CUL4A: variants seen among roughly 807,000 people sequenced by gnomAD.
The protein encoded by CUL4A is cullin 4A.
Under a neutral mutation model 95.5 loss-of-function variants are expected in CUL4A, and 16 were observed. The observed-to-expected ratio is 0.17, with a 90% confidence interval of 0.11 to 0.25. The LOEUF is 0.25. CUL4A is among the 10% of genes least tolerant of loss of function. CUL4A has a pLI of 1.00. For missense variants in CUL4A, 610 were observed against 937.0 expected (o/e 0.65, Z 4.56); for synonymous variants, 380 against 353.1 (o/e 1.08, Z -0.85).
At position 113,224,311 on chromosome 13, in the gene CUL4A, C is replaced by T. The variant is rs76471645; in HGVS notation, c.369-3665C>T. ...GATCTTGCAGTGAGCCGAGATCGCA[C>T]CACTGCACTCCAGCCTGGGTGACAG... On this transcript the variant is annotated intron_variant, in intron 3 of 19. Coordinates refer to ENST00000375440, the MANE Select transcript of CUL4A (RefSeq NM_001008895.4). Among the ~76,000 whole-genome samples the T allele has an allele frequency of 0.016, 2,365 of 152,120 alleles. 161 individuals carry two copies. In the East Asian group the frequency reaches 0.2, roughly 13 times the overall value.
At chr13:113,247,873 C>T (rs753353090) in intron 15 of CUL4A, among the ~76,000 whole-genome samples, 1 of 152,188 alleles carries the variant, frequency 6.6e-6, no homozygotes, top group Non-Finnish European at 1.5e-5. Flanking sequence ...CACCCCATTT[C>T]TGTTGGTTGT....
intron 5 of CUL4A, among the ~76,000 whole-genome samples, chr13:113,231,596 G>GC (rs1314606984): frequency 6.6e-6 from 1 of 152,164 alleles, no homozygotes; most frequent in African/African-American, 2.4e-5. Context: ...GCCTGGCACT[G>GC]CCCCAAGGGC....
At chr13:113,252,199 G>T (rs1291229014) in intron 15 of CUL4A, among the ~76,000 whole-genome samples, 1 of 152,208 alleles carries the variant, frequency 6.6e-6, no homozygotes, top group Non-Finnish European at 1.5e-5. Context: ...CTGGGAACTT[G>T]AAAATGCAGC....
intron 4 of CUL4A, among the ~76,000 whole-genome samples, chr13:113,228,737 C>G (rs2041198823): frequency 6.6e-6 from 1 of 151,972 alleles, no homozygotes; most frequent in Non-Finnish European, 1.5e-5. Flanking sequence ...GACACACGTC[C>G]AAGAGCCTCA....
At chr13:113,235,957 C>T (rs2041528530) in intron 8 of CUL4A, among the ~76,000 whole-genome samples, 1 of 141,580 alleles carries the variant, frequency 7.1e-6, no homozygotes, top group African/African-American at 2.6e-5. Context: ...GGCGACAGAG[C>T]GAGACTCCGT....
chr13:113,213,878 G>A (rs79702464), intron 2 of CUL4A, among the ~76,000 whole-genome samples: 1,939 of 152,318 alleles, frequency 0.013, 42 homozygotes, highest in African/African-American at 0.044. Context: ...ATCTCTCCAC[G>A]CACAGGTGGG....
intron 3 of CUL4A, among the ~76,000 whole-genome samples, chr13:113,222,162 A>T (rs532715478): frequency 6.6e-6 from 1 of 152,292 alleles, no homozygotes; most frequent in South Asian, 2.1e-4. Flanking sequence ...AAATGAGAGG[A>T]AGGTGGATGC....
chr13:113,245,219 C>T lies in CUL4A; in HGVS notation c.1512C>T (p.Ile504=), dbSNP rs141571594. Residue 504 remains isoleucine (I), a synonymous_variant, in exon 14 of 20, where the codon ATC becomes ATT. Transcript: ENST00000375440. ...MFKDMELSKD[I]MVHFKQHMQN... is the part of the protein sequence containing the mutation. ...AGGACATGGAGCTTTCGAAGGACAT[C>T]ATGGTTCATTTCAAGCAGGTGAGTT... 5 of 1,614,050 alleles carry T rather than the reference C, an allele frequency of 3.1e-6. No homozygotes were observed. Among genetic ancestry groups the T allele is most frequent in the Non-Finnish European group, 4.2e-6 (5 of 1,180,022 alleles).
At chr13:113,253,299 A>T (rs925429890) in intron 16 of CUL4A, 104 bp downstream of exon 16, 30 of 484,716 alleles carry the variant, frequency 6.2e-5, no homozygotes, top group Middle Eastern at 1.1e-3. Flanking sequence ...TTTCACTTTA[A>T]TTCACTAGCT....
chr13:113,224,753 G>T (rs1178506613), intron 3 of CUL4A, among the ~76,000 whole-genome samples: 2 of 152,232 alleles, frequency 1.3e-5, no homozygotes, highest in Non-Finnish European at 2.9e-5. Context: ...CTGAGCCGTA[G>T]GTATCTTTAT....
intron 18 of CUL4A, among the ~76,000 whole-genome samples, chr13:113,260,211 A>AAAAAAAAAAAAAC (rs1197388632): frequency 8.4e-6 from 1 of 119,510 alleles, no homozygotes; most frequent in East Asian, 3.3e-4. Flanking sequence ...CTCAAAAAAA[A>AAAAAAAAAAAAAC]AAAAAAAACC....
chr13:113,263,531 C>A lies in CUL4A; in HGVS notation c.2229C>A (p.Asp743Glu), dbSNP rs945073755. The change falls in exon 20 of 20, where the codon GAC becomes GAA. Residue 743 changes from aspartate (D) to glutamate (E), a missense_variant. Asp to Glu is a conservative substitution (Grantham distance 45). This residue lies in a region of CUL4A where 31 missense variants were observed against 40.3 expected (regional missense o/e 0.77). Transcript: ENST00000375440. ...KKRIESLIDRDYMERDKDNPN... is the reference protein window; with the variant it reads ...KKRIESLIDREYMERDKDNPN... ...GAATTGAATCTCTGATAGACAGAGA[C>A]TATATGGAGAGAGACAAAGACAATC... The A allele has an allele frequency of 6.2e-7, 1 of 1,609,398 alleles. No homozygotes were observed. The highest frequency in any genetic ancestry group is 1.3e-5 in the African/African-American group (1 of 74,720).
chr13:113,237,375 C>T (rs1025256582), intron 9 of CUL4A, among the ~76,000 whole-genome samples: 3 of 152,226 alleles, frequency 2.0e-5, no homozygotes, highest in Admixed American at 2.0e-4. Context: ...TACTTTTCTC[C>T]TGGTTTTCTG....
At chr13:113,259,632 G>C (rs1466223845) in intron 18 of CUL4A, among the ~76,000 whole-genome samples, 6 of 152,096 alleles carry the variant, frequency 3.9e-5, no homozygotes, top group African/African-American at 9.7e-5. Context: ...CTGCTACAGT[G>C]CTCTCACTTA....
upstream of CUL4A, chr13:113,209,018 CCTCGGGGCGCGCGCGCCCGAG>C (rs2040200969): frequency 1.4e-6 from 1 of 712,330 alleles, no homozygotes. Flanking sequence ...TGGGCCAGGG[CCTCGGGGCGCGCGCGCCCGAG>C]GAGGGGGAGG....
chr13:113,229,822 C>A, intron 5 of CUL4A: 1 of 467,286 alleles, frequency 2.1e-6, no homozygotes, highest in South Asian at 5.2e-5. Context: ...TGGAGCGGCT[C>A]TTTCCAGCGC....
In CUL4A at chr13:113,229,434, T is replaced by C. The variant is rs1478062899; in HGVS notation, c.439-12T>C. ...AATTCATAAGTAAATGGTTCTCCTT[T>C]CTGCTGGTCAGATCATGATCAGAAG... On this transcript the variant is annotated splice_polypyrimidine_tract_variant and intron_variant, in intron 4 of 19. Transcript: ENST00000375440. 3 of 1,612,660 alleles carry C rather than the reference T, an allele frequency of 1.9e-6. No individual in the cohort carries two copies. The East Asian group carries it at 6.7e-5, about 36-fold the overall frequency.
intron 9 of CUL4A, among the ~76,000 whole-genome samples, chr13:113,237,856 T>C (rs2041595678): frequency 6.6e-6 from 1 of 152,170 alleles, no homozygotes; most frequent in Non-Finnish European, 1.5e-5. Flanking sequence ...GGGAGGAGAA[T>C]TAACATGATT....
intron 5 of CUL4A, among the ~76,000 whole-genome samples, chr13:113,232,859 C>G (rs2287244): frequency 0.68 from 103,546 of 151,896 alleles, 35,959 homozygotes; most frequent in Middle Eastern, 0.79. Context: ...CTGAGTGTCT[C>G]CCGTCGCTCA....
Sources: gnomAD v4.1 joint callset for allele counts (sites outside exome capture counted in the v4.1 genomes callset) on GRCh38, gnomAD v4.1.1 for gene constraint, gnomAD v4.1.1 regional missense constraint, MANE v1.5 for transcripts, NCBI Gene and HGNC (gene_info 2026-07-23, HGNC 2026-07-21) for gene names.